The following NIPAL2 variants were observed in gnomAD, a reference collection of about 807,000 sequenced individuals.
The protein encoded by NIPAL2 is NIPA like domain containing 2.
A neutral mutation model predicts 48.9 loss-of-function variants in NIPAL2; 43 were observed. That is an observed-to-expected ratio of 0.88 (90% CI 0.69 to 1.13). The LOEUF is 1.13. NIPAL2 is among the 50% of genes most tolerant of loss of function. The probability of loss-of-function intolerance (pLI) is 0.00; values close to 1 mark genes in which losing one functional copy is unlikely to be tolerated. For synonymous variants in NIPAL2, 167 were observed against 174.6 expected, an observed-to-expected ratio of 0.96 and a Z score of 0.34; for missense variants, 446 against 461.4, an observed-to-expected ratio of 0.97 and a Z score of 0.31.
intron 3 of NIPAL2, among the ~76,000 whole-genome samples, chr8:98,244,273 C>T (rs959514360): frequency 2.0e-4 from 27 of 137,190 alleles, no homozygotes; most frequent in South Asian, 4.9e-4. Context: ...AGACGGTGGG[C>T]GTGGTGATGA....
In NIPAL2 at chr8:98,293,895, T is replaced by C; in HGVS notation, c.135+108A>G. 9.6e-6 allele frequency: 10 copies of C among 1,037,512 alleles called. No individual in the cohort carries two copies. In the South Asian group the frequency reaches 1.9e-4, roughly 19 times the overall value. 64.3% of individuals were successfully genotyped at this position (1,037,512 alleles called of 1,614,324 possible). ...CCTCTTCCCACTCGGAGAGGCCGGGTGTCTTCCTGAGAGCTGGCAGGAAAG... is the reference window on the plus strand; with the variant it reads ...CCTCTTCCCACTCGGAGAGGCCGGGCGTCTTCCTGAGAGCTGGCAGGAAAG... On this transcript the variant is annotated intron_variant, in intron 1 of 10. Coordinates refer to ENST00000430223, the MANE Select transcript of NIPAL2 (RefSeq NM_001321635.2).
Position 98,203,182 on chromosome 8 carries a change from G to T in NIPAL2, c.806C>A (p.Ala269Asp). 1 of 1,614,008 alleles carries T rather than the reference G, an allele frequency of 6.2e-7. No homozygotes were observed. Among genetic ancestry groups the T allele is most frequent in the Non-Finnish European group, 8.5e-7 (1 of 1,179,874 alleles). The stretch of plus-strand genomic sequence containing the variant: ...TGTTGTCGTATTGTAGAGTTTCGTG[G>T]CTTGATTCAGGAACCTAGGGCAGAA... ...CVFQVKFLNQ[A>D]TKLYNTTTVV... is the part of the protein sequence containing the mutation. Residue 269 changes from alanine (A) to aspartate (D), a missense_variant, in exon 8 of 11, where the codon GCC becomes GAC. By Grantham distance (126) the Ala-to-Asp change is moderately radical. Coordinates refer to ENST00000430223, the MANE Select transcript of NIPAL2 (RefSeq NM_001321635.2).
At chr8:98,246,050 C>G (rs1260283242) in intron 3 of NIPAL2, among the ~76,000 whole-genome samples, 2 of 152,196 alleles carry the variant, frequency 1.3e-5, no homozygotes, top group African/African-American at 4.8e-5. Flanking sequence ...CTCTAAGGGA[C>G]AAAGAGAATT....
At chr8:98,216,525 A>G (rs1811582960) in intron 5 of NIPAL2, among the ~76,000 whole-genome samples, 1 of 152,198 alleles carries the variant, frequency 6.6e-6, no homozygotes, top group South Asian at 2.1e-4. Flanking sequence ...AAAAACATAC[A>G]GTTTTCTCCC....
intron 4 of NIPAL2, among the ~76,000 whole-genome samples, chr8:98,227,644 T>C (rs1812239513): frequency 6.6e-6 from 1 of 152,178 alleles, no homozygotes; most frequent in African/African-American, 2.4e-5. Context: ...GACAAAGTCC[T>C]CTTTATTCTC....
intron 3 of NIPAL2, among the ~76,000 whole-genome samples, chr8:98,246,815 C>T (rs1470589571): frequency 6.6e-6 from 1 of 152,074 alleles, no homozygotes; most frequent in Non-Finnish European, 1.5e-5. Flanking sequence ...TTTCTCCCTC[C>T]CTCCCTCCTT....
intron 1 of NIPAL2, among the ~76,000 whole-genome samples, chr8:98,291,949 C>T (rs181866266): frequency 6.6e-6 from 1 of 152,342 alleles, no homozygotes; most frequent in African/African-American, 2.4e-5. Context: ...TACATGAAAG[C>T]ATTCCAGGGA....
At chr8:98,289,860 T>C (rs1388653903) in intron 1 of NIPAL2, among the ~76,000 whole-genome samples, 1 of 152,226 alleles carries the variant, frequency 6.6e-6, no homozygotes, top group Non-Finnish European at 1.5e-5. Flanking sequence ...CTTTAAGGGA[T>C]AGTCATATGC....
At chr8:98,245,811 T>G (rs1387118617) in intron 3 of NIPAL2, among the ~76,000 whole-genome samples, 1 of 152,238 alleles carries the variant, frequency 6.6e-6, no homozygotes, top group African/African-American at 2.4e-5. Context: ...TGAGCGTATA[T>G]GAGCAGACAT....
intron 1 of NIPAL2, among the ~76,000 whole-genome samples, chr8:98,268,847 A>C (rs1224951071): frequency 6.6e-6 from 1 of 152,202 alleles, no homozygotes; most frequent in African/African-American, 2.4e-5. Context: ...AACATACTGC[A>C]ATAGCATTAT....
At chr8:98,229,457 C>T (rs1812332084) in intron 4 of NIPAL2, among the ~76,000 whole-genome samples, 1 of 152,138 alleles carries the variant, frequency 6.6e-6, no homozygotes, top group Non-Finnish European at 1.5e-5. Flanking sequence ...ACTGCAGCCT[C>T]GAATTCCTGG....
chr8:98,262,866 A>G (rs1814443789), intron 1 of NIPAL2, among the ~76,000 whole-genome samples: 1 of 152,190 alleles, frequency 6.6e-6, no homozygotes, highest in South Asian at 2.1e-4. Flanking sequence ...AAAATTGACC[A>G]CATACTTGGA....
chr8:98,227,858 C>G (rs908983359), intron 4 of NIPAL2, among the ~76,000 whole-genome samples: 1 of 152,300 alleles, frequency 6.6e-6, no homozygotes, highest in African/African-American at 2.4e-5. Context: ...GCCTAGAGAG[C>G]CTTTCAAGTT....
chr8:98,199,364 G>A (rs925622547), intron 8 of NIPAL2, among the ~76,000 whole-genome samples: 1 of 152,072 alleles, frequency 6.6e-6, no homozygotes, highest in African/African-American at 2.4e-5. Context: ...AAGCTTAATC[G>A]TTTCTAGCTT....
In NIPAL2 at chr8:98,287,741, T is replaced by C. The variant is rs116836728; in HGVS notation, c.135+6262A>G. 5.8e-3 allele frequency among the ~76,000 whole-genome samples: 888 copies of C among 152,298 alleles called. 8 individuals are homozygous for C. Among genetic ancestry groups the C allele is most frequent in the African/African-American group, 0.018 (752 of 41,560 alleles). On this transcript the variant is annotated intron_variant, in intron 1 of 10. Coordinates refer to ENST00000430223, the MANE Select transcript of NIPAL2 (RefSeq NM_001321635.2). ...TATGTATTATTATTATTTCCATTTA[T>C]ATAGAGAAAGCCGAGAAATGGAGAA...
chr8:98,198,445 G>A (rs1314533822), intron 8 of NIPAL2, among the ~76,000 whole-genome samples: 2 of 152,226 alleles, frequency 1.3e-5, no homozygotes, highest in Non-Finnish European at 2.9e-5. Flanking sequence ...TTCCTCACAA[G>A]AGAGTCAGCC....
At chr8:98,203,999 C>T (rs1260565741) in intron 7 of NIPAL2, among the ~76,000 whole-genome samples, 1 of 151,670 alleles carries the variant, frequency 6.6e-6, no homozygotes, top group Non-Finnish European at 1.5e-5. Context: ...AAAACCAGGT[C>T]ATTTTAATGG....
At chr8:98,244,049 C>T (rs1019604532) in intron 3 of NIPAL2, among the ~76,000 whole-genome samples, 2 of 151,846 alleles carry the variant, frequency 1.3e-5, no homozygotes, top group Non-Finnish European at 2.9e-5. Flanking sequence ...CAAATCTAAC[C>T]CAAAGCTAAG....
chr8:98,247,262 T>C (rs1813354535), intron 3 of NIPAL2, among the ~76,000 whole-genome samples: 1 of 152,202 alleles, frequency 6.6e-6, no homozygotes, highest in African/African-American at 2.4e-5. Flanking sequence ...AAAATTCAAA[T>C]TTGAACCAAT....
Sources: allele counts gnomAD v4.1 joint callset (sites outside exome capture counted in the v4.1 genomes callset), GRCh38; gene constraint gnomAD v4.1.1; transcripts MANE v1.5; gene names NCBI Gene and HGNC (gene_info 2026-07-23, HGNC 2026-07-21).